HS6ST3: variants seen among roughly 807,000 people sequenced by gnomAD.
HS6ST3 encodes heparan sulfate 6-O-sulfotransferase 3.
HS6ST3 carries 12 observed loss-of-function variants against 36.7 expected under a neutral mutation model. The observed-to-expected ratio is 0.33, with a 90% CI of 0.21 to 0.53. The LOEUF (loss-of-function observed/expected upper bound fraction) is 0.53, where lower values mean the gene tolerates loss of function less well. HS6ST3 is among the 20% of genes least tolerant of loss of function. The pLI is 0.95. For missense variants in HS6ST3, 584 were observed against 640.9 expected (o/e 0.91, Z 0.96); for synonymous variants, 240 against 257.5 (o/e 0.93, Z 0.65).
chr13:96,404,791 G>A (rs1157740600), intron 1 of HS6ST3, among the ~76,000 whole-genome samples: 1 of 152,262 alleles, frequency 6.6e-6, no homozygotes, highest in East Asian at 1.9e-4. Context: ...AAACGCAAGG[G>A]CAGGTGATAT....
intron 1 of HS6ST3, among the ~76,000 whole-genome samples, chr13:96,705,493 G>A (rs993202239): frequency 2.0e-5 from 3 of 152,074 alleles, no homozygotes; most frequent in Non-Finnish European, 4.4e-5. Flanking sequence ...AATTACATAT[G>A]GGTGCTGCAA....
At chr13:96,812,539 A>C (rs1230550865) in intron 1 of HS6ST3, among the ~76,000 whole-genome samples, 3 of 152,186 alleles carry the variant, frequency 2.0e-5, no homozygotes, top group Non-Finnish European at 2.9e-5. Context: ...CTCTTAAAAT[A>C]ACCTTCCAAC....
intron 1 of HS6ST3, among the ~76,000 whole-genome samples, chr13:96,787,808 C>G (rs1306653034): frequency 6.6e-6 from 1 of 151,864 alleles, no homozygotes; most frequent in Non-Finnish European, 1.5e-5. Context: ...TTTTCTTATG[C>G]TTTTGTAAGG....
chr13:96,547,002 G>T (rs1389224187), intron 1 of HS6ST3, among the ~76,000 whole-genome samples: 1 of 152,112 alleles, frequency 6.6e-6, no homozygotes, highest in Non-Finnish European at 1.5e-5. Flanking sequence ...ATGCCAGAAA[G>T]AAAATGGTAA....
chr13:96,098,214 A>G (rs2053800849), intron 1 of HS6ST3, among the ~76,000 whole-genome samples: 1 of 152,154 alleles, frequency 6.6e-6, no homozygotes, highest in Non-Finnish European at 1.5e-5. Context: ...AGGTTAATGT[A>G]ATCATTCATT....
chr13:96,609,352 A>G (rs1402479381), intron 1 of HS6ST3, among the ~76,000 whole-genome samples: 1 of 152,232 alleles, frequency 6.6e-6, no homozygotes, highest in African/African-American at 2.4e-5. Context: ...GCACCAAATT[A>G]TAAAGAGAGG....
intron 1 of HS6ST3, among the ~76,000 whole-genome samples, chr13:96,478,212 C>G (rs551748014): frequency 1.3e-5 from 2 of 152,178 alleles, no homozygotes; most frequent in African/African-American, 4.8e-5. Flanking sequence ...GAAATTAAGA[C>G]TTAGTAATTT....
intron 1 of HS6ST3, among the ~76,000 whole-genome samples, chr13:96,527,285 G>C (rs75912428): frequency 0.051 from 7,806 of 152,146 alleles, 247 homozygotes; most frequent in Middle Eastern, 0.075. Flanking sequence ...CAGTGACTTA[G>C]AAAACTCTCC....
At chr13:96,621,962 C>T (rs989584399) in intron 1 of HS6ST3, among the ~76,000 whole-genome samples, 1 of 151,802 alleles carries the variant, frequency 6.6e-6, no homozygotes, top group Non-Finnish European at 1.5e-5. Context: ...TTAAATAAAG[C>T]AGTGTTTGGA....
chr13:96,537,797 T>C (rs2056161733), intron 1 of HS6ST3, among the ~76,000 whole-genome samples: 1 of 152,206 alleles, frequency 6.6e-6, no homozygotes, highest in Non-Finnish European at 1.5e-5. Flanking sequence ...TGATACATTT[T>C]TGATGGTAAG....
intron 1 of HS6ST3, among the ~76,000 whole-genome samples, chr13:96,379,991 G>T (rs2055333199): frequency 6.6e-6 from 1 of 152,198 alleles, no homozygotes; most frequent in African/African-American, 2.4e-5. Context: ...GGGTTTCTGT[G>T]AAATCACATA....
intron 1 of HS6ST3, among the ~76,000 whole-genome samples, chr13:96,489,754 C>T (rs1028870000): frequency 6.6e-6 from 1 of 152,094 alleles, no homozygotes. Context: ...AAATCATACA[C>T]TCATGCACAC....
At chr13:96,576,943 CAAAAAA>C (rs1157924077) in intron 1 of HS6ST3, among the ~76,000 whole-genome samples, 842 of 26,734 alleles carry the variant, frequency 0.031, 3 homozygotes, top group African/African-American at 0.074. Flanking sequence ...GACTCTGTCT[CAAAAAA>C]AAAAAAAAAA....
intron 1 of HS6ST3, among the ~76,000 whole-genome samples, chr13:96,578,693 G>A (rs181294125): frequency 3.3e-5 from 5 of 152,202 alleles, no homozygotes; most frequent in Admixed American, 3.3e-4. Context: ...CCAGGTAGCT[G>A]GGATTACAGG....
intron 1 of HS6ST3, among the ~76,000 whole-genome samples, chr13:96,480,474 A>C (rs1383463476): frequency 1.3e-5 from 2 of 151,802 alleles, no homozygotes; most frequent in African/African-American, 2.4e-5. Flanking sequence ...GCGTGTGTGC[A>C]TGTGTGTGTG....
intron 1 of HS6ST3, among the ~76,000 whole-genome samples, chr13:96,206,588 A>G (rs994478602): frequency 6.6e-6 from 1 of 152,238 alleles, no homozygotes; most frequent in African/African-American, 2.4e-5. Flanking sequence ...CCAAAACAGC[A>G]TGGTGCTGGT....
intron 1 of HS6ST3, among the ~76,000 whole-genome samples, chr13:96,255,160 G>C (rs2054630703): frequency 6.6e-6 from 1 of 152,224 alleles, no homozygotes; most frequent in Non-Finnish European, 1.5e-5. Context: ...GAGACTCAGA[G>C]ATAAGCATCT....
At chr13:96,356,697 G>A (rs2055212010) in intron 1 of HS6ST3, among the ~76,000 whole-genome samples, 1 of 152,122 alleles carries the variant, frequency 6.6e-6, no homozygotes, top group Admixed American at 6.5e-5. Context: ...AGTAGATTTA[G>A]CATAATTCTT....
At chr13:96,407,810 A>G (rs1478495763) in intron 1 of HS6ST3, among the ~76,000 whole-genome samples, 1 of 152,232 alleles carries the variant, frequency 6.6e-6, no homozygotes, top group Non-Finnish European at 1.5e-5. Flanking sequence ...AAGGATAGAA[A>G]AAGATTGTTA....
Sources: allele counts gnomAD v4.1 joint callset (sites outside exome capture counted in the v4.1 genomes callset), GRCh38; gene constraint gnomAD v4.1.1; transcripts MANE v1.5; gene names NCBI Gene and HGNC (gene_info 2026-07-23, HGNC 2026-07-21).